SLCO1B3: variants seen among roughly 807,000 people sequenced by gnomAD.
SLCO1B3 encodes liver-specific organic anion transporter 2.
Under a neutral mutation model 71.8 loss-of-function variants are expected in SLCO1B3, and 72 were observed. The observed-to-expected ratio is 1.00, with a 90% confidence interval of 0.83 to 1.22. SLCO1B3 has a LOEUF of 1.22. Among genes scored for constraint, SLCO1B3 ranks in the 50% most tolerant of loss-of-function variants. The pLI, the probability that SLCO1B3 is intolerant of heterozygous loss-of-function variation, is 0.00. For synonymous variants in SLCO1B3, 298 were observed against 278.4 expected, an observed-to-expected ratio of 1.07 and a Z score of -0.70; for missense variants, 911 against 819.7, an observed-to-expected ratio of 1.11 and a Z score of -1.36.
intron 5 of SLCO1B3, chr12:20,858,790 G>T: frequency 3.3e-6 from 1 of 299,278 alleles, no homozygotes; most frequent in South Asian, 8.5e-5. Context: ...TTTTAAATAA[G>T]AATAATATTA....
intron 15 of SLCO1B3, among the ~76,000 whole-genome samples, chr12:20,906,734 G>A (rs1034184682): frequency 1.3e-5 from 2 of 152,106 alleles, no homozygotes; most frequent in Non-Finnish European, 2.9e-5. Context: ...ATTATCAATT[G>A]TGTTATAATT....
chr12:20,849,686 TAAAG>T (rs1864983519), intron 3 of SLCO1B3, among the ~76,000 whole-genome samples: 1 of 16,136 alleles, frequency 6.2e-5, no homozygotes, highest in African/African-American at 8.1e-5. Context: ...AGCTAATAAA[TAAAG>T]AAAAATTACA....
chr12:20,880,747 C>G (rs1865673945), intron 11 of SLCO1B3, 108 bp from the exon 12 acceptor site: 1 of 619,446 alleles, frequency 1.6e-6, no homozygotes, highest in Non-Finnish European at 2.6e-6. Flanking sequence ...TTCCTCTTCT[C>G]TTCCTCCTCC....
At chr12:20,862,317 CAAAA>C in intron 6 of SLCO1B3, 91 bp from the exon 7 acceptor site, 1 of 1,367,758 alleles carries the variant, frequency 7.3e-7, no homozygotes, top group Non-Finnish European at 1.0e-6. Flanking sequence ...AACAAACAAA[CAAAA>C]AATGGAAAAA....
chr12:20,865,612 A>T (rs1865358265), intron 8 of SLCO1B3, among the ~76,000 whole-genome samples: 1 of 152,116 alleles, frequency 6.6e-6, no homozygotes, highest in Non-Finnish European at 1.5e-5. Context: ...TGATAAATGT[A>T]TTGGAAACAT....
intron 15 of SLCO1B3, among the ~76,000 whole-genome samples, chr12:20,913,959 C>T (rs1866440768): frequency 6.6e-6 from 1 of 151,992 alleles, no homozygotes; most frequent in Admixed American, 6.6e-5. Flanking sequence ...TAGAGATGGG[C>T]AACTCTGTTG....
intron 9 of SLCO1B3, among the ~76,000 whole-genome samples, chr12:20,876,770 G>C (rs186413745): frequency 6.6e-6 from 1 of 152,036 alleles, no homozygotes; most frequent in African/African-American, 2.4e-5. Context: ...TAAAAACAGC[G>C]TATCAAGGAT....
intron 3 of SLCO1B3, among the ~76,000 whole-genome samples, chr12:20,846,539 G>A (rs991722121): frequency 3.9e-5 from 6 of 152,154 alleles, no homozygotes; most frequent in Non-Finnish European, 5.9e-5. Context: ...TAAAAACAAT[G>A]ACAATGAGTG....
In SLCO1B3 at chr12:20,899,162, A is replaced by G. The variant is rs1261881016; in HGVS notation, c.1747+662A>G. On this transcript the variant is annotated intron_variant, in intron 14 of 15. Transcript: ENST00000381545. ...CTAAAGGCCTATTTCTAAATATTCA[A>G]AAGTGATGAGAAAAGATTTAGGAAA... is the stretch of plus-strand genomic sequence containing the variant. 2.0e-5 allele frequency among the ~76,000 whole-genome samples: 3 copies of G among 152,222 alleles called. No homozygotes were observed. The East Asian group carries it at 5.8e-4, about 29-fold the overall frequency.
At chr12:20,877,644 G>T in intron 9 of SLCO1B3, 128 bp from the exon 10 acceptor site, 2 of 369,390 alleles carry the variant, frequency 5.4e-6, no homozygotes, top group Non-Finnish European at 8.9e-6. Context: ...TTTGAGCAAA[G>T]GTCGCGACTC....
chr12:20,898,302 T>C (rs1009367258), intron 13 of SLCO1B3, 134 bp from the exon 14 acceptor site: 3 of 596,986 alleles, frequency 5.0e-6, no homozygotes, highest in Non-Finnish European at 9.2e-6. Context: ...AATGTAACTT[T>C]ATATAACGTG....
chr12:20,819,708 G>A (rs984933253), intron 3 of SLCO1B3, among the ~76,000 whole-genome samples: 9 of 152,152 alleles, frequency 5.9e-5, no homozygotes, highest in South Asian at 2.1e-4. Flanking sequence ...TGTAGCAGGC[G>A]AGTGATAACA....
chr12:20,866,791 A>T (rs4762684), intron 8 of SLCO1B3, among the ~76,000 whole-genome samples: 109,658 of 151,892 alleles, frequency 0.72, 42,184 homozygotes, highest in Middle Eastern at 0.87. Flanking sequence ...CCAGTATTTA[A>T]GGCAGGAAGG....
chr12:20,911,378 T>C (rs1866371383), intron 15 of SLCO1B3, among the ~76,000 whole-genome samples: 2 of 152,176 alleles, frequency 1.3e-5, no homozygotes, highest in Non-Finnish European at 2.9e-5. Flanking sequence ...CACCTGTATT[T>C]GTGAGATGTA....
At chr12:20,857,137 A>T (rs1865156526) in intron 4 of SLCO1B3, among the ~76,000 whole-genome samples, 2 of 152,118 alleles carry the variant, frequency 1.3e-5, no homozygotes, top group Non-Finnish European at 2.9e-5. Context: ...ATAACATTCA[A>T]TGTTGTATAT....
At chr12:20,813,053 A>C (rs1464369144) in intron 1 of SLCO1B3, among the ~76,000 whole-genome samples, 1 of 152,194 alleles carries the variant, frequency 6.6e-6, no homozygotes, top group African/African-American at 2.4e-5. Context: ...ACATACAAAA[A>C]GTGGAATAAT....
intron 15 of SLCO1B3, among the ~76,000 whole-genome samples, chr12:20,905,632 C>T (rs1327599223): frequency 6.6e-6 from 1 of 152,168 alleles, no homozygotes; most frequent in African/African-American, 2.4e-5. Context: ...CCACCAGTCT[C>T]TAAGCTAAAG....
At chr12:20,881,872 C>A (rs1865701457) in intron 12 of SLCO1B3, among the ~76,000 whole-genome samples, 1 of 152,228 alleles carries the variant, frequency 6.6e-6, no homozygotes, top group Non-Finnish European at 1.5e-5. Context: ...CTCTACCACA[C>A]TCTTCCATGC....
intron 15 of SLCO1B3, among the ~76,000 whole-genome samples, chr12:20,914,442 C>T (rs1334896636): frequency 6.6e-6 from 1 of 151,986 alleles, no homozygotes; most frequent in Non-Finnish European, 1.5e-5. Context: ...TGTGTCATTG[C>T]TGTCATTTAC....
Sources: gnomAD v4.1 joint callset for allele counts (sites outside exome capture counted in the v4.1 genomes callset) on GRCh38, gnomAD v4.1.1 for gene constraint, MANE v1.5 for transcripts, NCBI Gene and HGNC (gene_info 2026-07-23, HGNC 2026-07-21) for gene names.